Variants in P2RX7 observed in about 807,000 individuals in gnomAD.
P2RX7 encodes purinergic receptor P2X 7, also known as P2X purinoceptor 7.
A neutral mutation model predicts 71.6 loss-of-function variants in P2RX7; 62 were observed. The observed-to-expected ratio is 0.87, with a 90% confidence interval of 0.71 to 1.07. The LOEUF is 1.07. P2RX7 is among the 50% of genes least tolerant of loss of function. The probability of loss-of-function intolerance (pLI) is 0.00; values close to 1 mark genes in which losing one functional copy is unlikely to be tolerated. For synonymous variants in P2RX7, 299 were observed against 283.3 expected, an observed-to-expected ratio of 1.06 and a Z score of -0.56; for missense variants, 686 against 748.5, an observed-to-expected ratio of 0.92 and a Z score of 0.97.
intron 8 of P2RX7, among the ~76,000 whole-genome samples, chr12:121,170,591 A>G (rs1881986526): frequency 6.6e-6 from 1 of 152,302 alleles, no homozygotes; most frequent in East Asian, 1.9e-4. Flanking sequence ...CCTGGCCAAC[A>G]TGGTGAAACC....
At chr12:121,161,086 A>C (rs1593072240) in intron 4 of P2RX7, 112 bp downstream of exon 4, 8 of 821,492 alleles carry the variant, frequency 9.7e-6, no homozygotes, top group Admixed American at 5.3e-5. Context: ...GCCCTCTTCC[A>C]CCATCACCAA....
chr12:121,148,980 A>G lies in P2RX7; in HGVS notation c.126-5805A>G, dbSNP rs544665928. Reference sequence around the variant, plus strand: ...TACACTTTGGAGGCTCAGCCCTTTGATGTTACCTTTGCGCTGGAAGCCCAG... The same window carrying G: ...TACACTTTGGAGGCTCAGCCCTTTGGTGTTACCTTTGCGCTGGAAGCCCAG... On this transcript the variant is annotated intron_variant, in intron 1 of 12. Transcript: ENST00000328963. The G allele has an allele frequency of 2.9e-5, 14 of 480,454 alleles. No individual in the cohort carries two copies. In the Admixed American group the frequency reaches 3.3e-4, roughly 11 times the overall value. 29.8% of individuals were successfully genotyped at this position (480,454 alleles called of 1,614,324 possible).
chr12:121,142,249 A>T (rs1178716383), intron 1 of P2RX7, among the ~76,000 whole-genome samples: 1 of 152,152 alleles, frequency 6.6e-6, no homozygotes, highest in East Asian at 1.9e-4. Flanking sequence ...CTCTGGGGAA[A>T]ATTCACTTCC....
rs1156720842 is a variant in P2RX7 at position 121,167,545 on chromosome 12, CA to C, written c.803del (p.His268ProfsTer42). On this transcript the variant is annotated frameshift_variant, in exon 8 of 13. Transcript: ENST00000328963. LOFTEE classifies it high-confidence loss of function. Reference protein sequence around the residue: ...WDCNLDRWFHHCRPKYSFRRL... With the variant: ...WDCNLDRWFHXCRPKYSFRRL... ...CTGCAACCTAGACCGTTGGTTCCAT[CA>C]CTGCCGTCCCAAATACAGTTTCCGT... 23 of 1,613,732 alleles carry C rather than the reference CA, an allele frequency of 1.4e-5. No homozygotes were observed. The highest frequency in any genetic ancestry group is 1.9e-5 in the Non-Finnish European group (23 of 1,179,782).
intron 2 of P2RX7, chr12:121,155,454 T>C (rs1878385918): frequency 2.4e-5 from 28 of 1,173,086 alleles, no homozygotes; most frequent in Non-Finnish European, 3.2e-5. Context: ...GTGTGACTTC[T>C]AGATTTGCAA....
At chr12:121,183,216 T>C (rs1232982938) in intron 12 of P2RX7, among the ~76,000 whole-genome samples, 1 of 151,120 alleles carries the variant, frequency 6.6e-6, no homozygotes, top group Admixed American at 6.6e-5. Flanking sequence ...TTATTCTATA[T>C]ACTTTTTTCT....
chr12:121,150,020 C>G (rs958070764), intron 1 of P2RX7, among the ~76,000 whole-genome samples: 1 of 152,150 alleles, frequency 6.6e-6, no homozygotes, highest in African/African-American at 2.4e-5. Context: ...GCTGGGAGTT[C>G]TCTCTTCATT....
Position 121,142,020 on chromosome 12 carries a change from G to A in P2RX7, c.125+8925G>A, listed in dbSNP as rs376938041. On this transcript the variant is annotated intron_variant, in intron 1 of 12. Coordinates refer to ENST00000328963, the MANE Select transcript of P2RX7 (RefSeq NM_002562.6). ...CACAGAATTCAAATTCAGGAATGGA[G>A]GGAAGTACTGCCCTTTGACCCATAC... Among the ~76,000 whole-genome samples, 45 of 152,300 alleles carry A rather than the reference G, an allele frequency of 3.0e-4. No homozygotes were observed. The East Asian group carries it at 5.6e-3, about 19-fold the overall frequency.
chr12:121,162,377 C>T (rs208293), intron 4 of P2RX7, 47 bp from the exon 5 acceptor site: 502,422 of 1,607,898 alleles, frequency 0.31, 88,479 homozygotes, highest in African/African-American at 0.74. Context: ...ACGTCCTCTC[C>T]GCAGTTCTTT....
Position 121,136,023 on chromosome 12 carries a change from A to AAAAAAAAAAATATAT in P2RX7, c.125+2929_125+2930insAAAAAAAAATATATA. ...TGTCTCAAAAAAAAAAAAAAAAAAAAATATATATATATATATATAGTATTT... is the reference window on the plus strand; with the variant it reads ...TGTCTCAAAAAAAAAAAAAAAAAAAAAAAAAAAAAATATATATATATATATATATATATAGTATTT... On this transcript the variant is annotated intron_variant, in intron 1 of 12. Coordinates refer to ENST00000328963, the MANE Select transcript of P2RX7 (RefSeq NM_002562.6). Among the ~76,000 whole-genome samples, 75 of 15,226 alleles carry AAAAAAAAAAATATAT rather than the reference A, an allele frequency of 4.9e-3. 1 individual carries two copies. Among genetic ancestry groups the AAAAAAAAAAATATAT allele is most frequent in the East Asian group, 0.016 (4 of 252 alleles). 10.0% of individuals were successfully genotyped at this position (15,226 alleles called of 152,430 possible).
chr12:121,139,721 G>T (rs1268433980), intron 1 of P2RX7, among the ~76,000 whole-genome samples: 3 of 139,214 alleles, frequency 2.2e-5, no homozygotes, highest in East Asian at 4.4e-4. Flanking sequence ...TGGCCCCTCT[G>T]ACCCTGACCA....
At chr12:121,162,545 C>G in intron 5 of P2RX7, 25 bp downstream of exon 5, 1 of 1,608,822 alleles carries the variant, frequency 6.2e-7, no homozygotes, top group Non-Finnish European at 8.5e-7. Context: ...GAGACAGACA[C>G]AGTGGCCCTC....
intron 4 of P2RX7, 114 bp from the exon 5 acceptor site, chr12:121,162,309 AG>A: frequency 6.8e-7 from 1 of 1,475,706 alleles, no homozygotes; most frequent in Non-Finnish European, 9.0e-7. Context: ...TGGGTTGGAA[AG>A]CCTGGTCAAA....
rs528766613 is a variant in P2RX7 at position 121,167,052 on chromosome 12, C to CAA, written c.745-420_745-419dup. On this transcript the variant is annotated intron_variant, in intron 7 of 12. Coordinates refer to ENST00000328963, the MANE Select transcript of P2RX7 (RefSeq NM_002562.6). ...AGGTGACAAGAGCGAAACTCCATCT[C>CAA]AAAAAAAAAAAAAAAAATCCTTCAT... 1.4e-3 allele frequency among the ~76,000 whole-genome samples: 166 copies of CAA among 114,502 alleles called. 2 individuals are homozygous for CAA. Among genetic ancestry groups the CAA allele is most frequent in the Middle Eastern group, 5.7e-3 (1 of 176 alleles). 75.1% of individuals were successfully genotyped at this position (114,502 alleles called of 152,430 possible).
intron 4 of P2RX7, among the ~76,000 whole-genome samples, chr12:121,161,621 G>A (rs995575326): frequency 2.0e-4 from 30 of 151,676 alleles, no homozygotes; most frequent in South Asian, 6.2e-4. Context: ...GTGAAACCCC[G>A]TCTCTACTAA....
At chr12:121,156,644 G>A (rs1223671193) in intron 3 of P2RX7, among the ~76,000 whole-genome samples, 1 of 152,130 alleles carries the variant, frequency 6.6e-6, no homozygotes, top group Non-Finnish European at 1.5e-5. Context: ...TCCTACCATG[G>A]TTCACAGTGA....
In P2RX7 at chr12:121,187,990, T is replaced by C. The variant is rs1411342037; in HGVS notation, c.*3188T>C. Reference sequence around the variant, plus strand: ...TTTTAGCCTGGCAATGTAAGTGTCCTTAATGTGACTGTTTTGATAATTAAA... The same window carrying C: ...TTTTAGCCTGGCAATGTAAGTGTCCCTAATGTGACTGTTTTGATAATTAAA... On this transcript the variant is annotated 3_prime_UTR_variant, in exon 13 of 13. Coordinates refer to ENST00000328963, the MANE Select transcript of P2RX7 (RefSeq NM_002562.6). 2 of 152,184 alleles carry C rather than the reference T, an allele frequency of 1.3e-5. No homozygotes were observed. Among genetic ancestry groups the C allele is most frequent in the African/African-American group, 2.4e-5 (1 of 41,444 alleles). 9.4% of individuals were successfully genotyped at this position (152,184 alleles called of 1,614,324 possible). A position where few individuals can be genotyped will look rare whatever the true frequency, so the allele number is the denominator to read the frequency against.
At chr12:121,163,603 AGATAGATAGATAG>A (rs1232670306) in intron 5 of P2RX7, among the ~76,000 whole-genome samples, 1 of 13,916 alleles carries the variant, frequency 7.2e-5, no homozygotes. Context: ...ACAGGTAGAT[AGATAGATAGATAG>A]ATAGATAGAT....
rs36144485 is a variant in P2RX7 at position 121,166,022 on chromosome 12, A to ATGTT, written c.615-21_615-18dup. ...AGAGACAGATCTGTTTTCAATCGAG[A>ATGTT]TGTTTGTTTGTTTGTTTGCTTTTAA... On this transcript the variant is annotated intron_variant, in intron 6 of 12. Transcript: ENST00000328963. The ATGTT allele has an allele frequency of 5.1e-4, 805 of 1,587,306 alleles. 5 individuals carry two copies. Among genetic ancestry groups the ATGTT allele is most frequent in the Middle Eastern group, 4.2e-3 (25 of 5,964 alleles).
Sources: allele counts gnomAD v4.1 joint callset (sites outside exome capture counted in the v4.1 genomes callset), GRCh38; gene constraint gnomAD v4.1.1; transcripts MANE v1.5; gene names NCBI Gene and HGNC (gene_info 2026-07-23, HGNC 2026-07-21).